The following MEGF11 variants were observed in gnomAD, a reference collection of about 807,000 sequenced individuals.
MEGF11 encodes multiple EGF like domains 11, also known as multiple epidermal growth factor-like domains protein 11.
In MEGF11, 126 loss-of-function variants were observed where a neutral mutation model predicts 146.6. The observed-to-expected ratio is 0.86, with a 90% confidence interval of 0.74 to 1.00. MEGF11 has a LOEUF of 1.00. MEGF11 is among the 50% of genes least tolerant of loss of function. The probability of loss-of-function intolerance (pLI) is 0.00; values close to 1 mark genes in which losing one functional copy is unlikely to be tolerated. For synonymous variants in MEGF11, 532 were observed against 583.4 expected, an observed-to-expected ratio of 0.91 and a Z score of 1.27; for missense variants, 1,509 against 1,521.2, an observed-to-expected ratio of 0.99 and a Z score of 0.13.
chr15:65,915,621 G>A (rs756236628), intron 18 of MEGF11, 23 bp from the exon 19 acceptor site: 58 of 1,610,948 alleles, frequency 3.6e-5, no homozygotes, highest in Non-Finnish European at 2.5e-5. Flanking sequence ...AAGAGTTAGG[G>A]TAGAGGACCC....
At chr15:65,902,487 A>G (rs894783454) in intron 24 of MEGF11, 3 of 152,248 alleles carry the variant, frequency 2.0e-5, no homozygotes, top group Non-Finnish European at 4.4e-5. Flanking sequence ...GGCAAGCTGG[A>G]AACTCCACCT....
At chr15:65,902,723 T>G (rs1314183894) in intron 24 of MEGF11, among the ~76,000 whole-genome samples, 1 of 152,228 alleles carries the variant, frequency 6.6e-6, no homozygotes, top group Non-Finnish European at 1.5e-5. Flanking sequence ...GTCATTTGCA[T>G]CAGGATTGGC....
chr15:66,101,605 T>C (rs1423175139), intron 4 of MEGF11, among the ~76,000 whole-genome samples: 1 of 152,234 alleles, frequency 6.6e-6, no homozygotes, highest in Non-Finnish European at 1.5e-5. Flanking sequence ...GAATGGGCTA[T>C]GTCCCAGCAC....
chr15:65,978,982 T>C (rs758723136), intron 7 of MEGF11, among the ~76,000 whole-genome samples: 2 of 150,972 alleles, frequency 1.3e-5, no homozygotes, highest in African/African-American at 4.9e-5. Context: ...CCTGTTTTTA[T>C]GTGAAATCTT....
At chr15:66,189,041 A>G (rs542205581) in intron 1 of MEGF11, among the ~76,000 whole-genome samples, 1 of 152,346 alleles carries the variant, frequency 6.6e-6, no homozygotes, top group South Asian at 2.1e-4. Flanking sequence ...AAAACTTTAA[A>G]CAAACAAATA....
At chr15:66,008,680 C>T (rs1021674579) in intron 5 of MEGF11, among the ~76,000 whole-genome samples, 2 of 151,972 alleles carry the variant, frequency 1.3e-5, no homozygotes, top group African/African-American at 4.8e-5. Context: ...TAAAACTAGC[C>T]AGGCATGGTG....
chr15:66,024,502 T>C (rs186950030), intron 5 of MEGF11, among the ~76,000 whole-genome samples: 20 of 152,314 alleles, frequency 1.3e-4, no homozygotes, highest in African/African-American at 4.8e-4. Context: ...TGTGCTAATA[T>C]CTGCCTCAAA....
rs75785334 is a variant in MEGF11 at position 66,177,482 on chromosome 15, T to C, written c.-8-49071A>G. ...ATGCACAGTAATCTTTCTCCTCCGA[T>C]GTCACATATTCAATAATTCCTCTCC... On this transcript the variant is annotated intron_variant, in intron 1 of 25. Coordinates refer to ENST00000395614, the MANE Select transcript of MEGF11 (RefSeq NM_001385028.1). Among the ~76,000 whole-genome samples, 108 of 152,264 alleles carry C rather than the reference T, an allele frequency of 7.1e-4. No individual in the cohort carries two copies. In the East Asian group the frequency reaches 0.018, roughly 25 times the overall value.
Position 65,982,681 on chromosome 15 carries a change from G to A in MEGF11, c.395-193C>T, listed in dbSNP as rs140911541. Reference sequence around the variant, plus strand: ...CTTCCACCAAGCCATGCAAATAGTCGCACAGGCTAAGAAGGGCAGAGCGTT... The same window carrying A: ...CTTCCACCAAGCCATGCAAATAGTCACACAGGCTAAGAAGGGCAGAGCGTT... On this transcript the variant is annotated intron_variant, in intron 5 of 25. Transcript: ENST00000395614. The surrounding 1 kb of genome is among the most constrained non-coding windows in gnomAD (Gnocchi z 5.6). 4.7e-3 allele frequency among the ~76,000 whole-genome samples: 722 copies of A among 152,270 alleles called. 9 individuals carry two copies. Among genetic ancestry groups the A allele is most frequent in the African/African-American group, 0.016 (683 of 41,548 alleles).
intron 1 of MEGF11, among the ~76,000 whole-genome samples, chr15:66,136,590 T>C (rs372762196): frequency 6.6e-6 from 1 of 152,236 alleles, no homozygotes; most frequent in Admixed American, 6.5e-5. Context: ...GCCCTACACA[T>C]GTTCTAAAAA....
intron 1 of MEGF11, among the ~76,000 whole-genome samples, chr15:66,151,729 G>A (rs185994846): frequency 9.2e-5 from 14 of 152,274 alleles, no homozygotes; most frequent in Admixed American, 8.5e-4. Flanking sequence ...CTGTGGGAGG[G>A]TCATCCCCAG....
chr15:65,938,319 C>T (rs149745459), intron 10 of MEGF11, among the ~76,000 whole-genome samples: 1 of 152,346 alleles, frequency 6.6e-6, no homozygotes, highest in East Asian at 1.9e-4. Context: ...TCTCCTAGCT[C>T]CCATTTGGGT....
At chr15:66,172,338 G>A (rs2090282562) in intron 1 of MEGF11, among the ~76,000 whole-genome samples, 2 of 152,224 alleles carry the variant, frequency 1.3e-5, no homozygotes, top group South Asian at 4.1e-4. Flanking sequence ...GCTGGGTATT[G>A]TCCACTCACC....
chr15:65,913,995 G>A, intron 19 of MEGF11, 22 bp from the exon 20 acceptor site: 1 of 1,603,456 alleles, frequency 6.2e-7, no homozygotes, highest in Non-Finnish European at 8.5e-7. Flanking sequence ...GGGAGGGCCT[G>A]AGCCTGGGGC....
At chr15:66,002,997 T>C (rs1380713650) in intron 5 of MEGF11, among the ~76,000 whole-genome samples, 1 of 138,156 alleles carries the variant, frequency 7.2e-6, no homozygotes, top group East Asian at 2.0e-4. Flanking sequence ...TTCTTTTTTC[T>C]TTTTTTTTTT....
intron 1 of MEGF11, among the ~76,000 whole-genome samples, chr15:66,156,534 T>C (rs1267653100): frequency 6.6e-6 from 1 of 151,964 alleles, no homozygotes; most frequent in East Asian, 1.9e-4. Context: ...CACCACTCCC[T>C]GTGTCAGGAC....
chr15:66,146,132 C>T lies in MEGF11; in HGVS notation c.-8-17721G>A, dbSNP rs535907668. The stretch of plus-strand genomic sequence containing the variant: ...ACTTAACTTCTCTGATCCTTCACTG[C>T]CCGTTCTACAAAGTGAGGATGATAA... On this transcript the variant is annotated intron_variant, in intron 1 of 25. Transcript: ENST00000395614. 7.9e-5 allele frequency among the ~76,000 whole-genome samples: 12 copies of T among 152,288 alleles called. No homozygotes were observed. In the East Asian group the frequency reaches 2.3e-3, roughly 29 times the overall value.
chr15:66,215,152 G>C (rs2091554608), intron 1 of MEGF11, among the ~76,000 whole-genome samples: 1 of 152,184 alleles, frequency 6.6e-6, no homozygotes, highest in Admixed American at 6.5e-5. Flanking sequence ...CTGAGTTCTA[G>C]TCTCAGTGCG....
intron 24 of MEGF11, chr15:65,902,320 G>A (rs1285987655): frequency 6.6e-6 from 1 of 152,404 alleles, no homozygotes; most frequent in Non-Finnish European, 1.5e-5. Flanking sequence ...GTTGATGTCT[G>A]TGGGGAGGGG....
Sources: gnomAD v4.1 joint callset for allele counts (sites outside exome capture counted in the v4.1 genomes callset) on GRCh38, gnomAD v4.1.1 for gene constraint, Gnocchi (gnomAD v3.1) non-coding constraint, MANE v1.5 for transcripts, NCBI Gene and HGNC (gene_info 2026-07-23, HGNC 2026-07-21) for gene names.